The following ERC2 variants were observed in gnomAD, a reference collection of about 807,000 sequenced individuals.
ERC2 encodes the protein ELKS/RAB6-interacting/CAST family member 2.
A neutral mutation model predicts 114.8 loss-of-function variants in ERC2; 42 were observed. The observed-to-expected ratio is 0.37, with a 90% confidence interval of 0.29 to 0.47. ERC2 has a LOEUF of 0.47. ERC2 is among the 20% of genes least tolerant of loss of function. The pLI is 0.99. For missense variants in ERC2, 939 were observed against 1,150.7 expected, an observed-to-expected ratio of 0.82 and a Z score of 2.66; for synonymous variants, 454 against 425.5, an observed-to-expected ratio of 1.07 and a Z score of -0.82.
chr3:56,171,805 G>T (rs1470216474), intron 4 of ERC2, among the ~76,000 whole-genome samples: 1 of 147,086 alleles, frequency 6.8e-6, no homozygotes, highest in Non-Finnish European at 1.5e-5. Context: ...TAGAAGAGAT[G>T]TTTCTCCTGT....
intron 17 of ERC2, among the ~76,000 whole-genome samples, chr3:55,627,388 C>T (rs562245985): frequency 9.2e-5 from 14 of 152,140 alleles, no homozygotes; most frequent in African/African-American, 3.1e-4. Flanking sequence ...ATCGCTTGAA[C>T]CCAGGAGGCA....
At chr3:56,402,970 G>A (rs979157151) in intron 2 of ERC2, among the ~76,000 whole-genome samples, 6 of 152,128 alleles carry the variant, frequency 3.9e-5, no homozygotes, top group Non-Finnish European at 7.3e-5. Flanking sequence ...GCCTCGACCC[G>A]TTAAATGCCA....
chr3:56,013,363 A>T (rs568258291), intron 8 of ERC2, among the ~76,000 whole-genome samples: 5 of 152,162 alleles, frequency 3.3e-5, no homozygotes, highest in Admixed American at 1.3e-4. Context: ...TTACAGGGGG[A>T]TTTGTGCAAT....
At chr3:55,695,197 C>G (rs893214901) in intron 16 of ERC2, among the ~76,000 whole-genome samples, 12 of 152,184 alleles carry the variant, frequency 7.9e-5, no homozygotes, top group Admixed American at 2.6e-4. Context: ...TAAGAAAAAT[C>G]TCTAATGTGT....
At chr3:55,949,442 C>T (rs954767403) in intron 13 of ERC2, among the ~76,000 whole-genome samples, 6 of 151,826 alleles carry the variant, frequency 4.0e-5, no homozygotes, top group African/African-American at 1.5e-4. Context: ...AATCAAGCAT[C>T]AATGTAAAGG....
chr3:55,638,764 G>A (rs1172276450), intron 17 of ERC2, among the ~76,000 whole-genome samples: 1 of 152,186 alleles, frequency 6.6e-6, no homozygotes, highest in Non-Finnish European at 1.5e-5. Context: ...GGATAGGGCT[G>A]GCTAATCACT....
At chr3:55,759,448 T>C (rs2067268116) in intron 14 of ERC2, among the ~76,000 whole-genome samples, 1 of 113,238 alleles carries the variant, frequency 8.8e-6, no homozygotes, top group African/African-American at 3.5e-5. Flanking sequence ...TGGGACGTTT[T>C]AAGTCTCTTT....
chr3:55,885,896 C>G (rs932478528), intron 14 of ERC2, among the ~76,000 whole-genome samples: 1 of 152,164 alleles, frequency 6.6e-6, no homozygotes, highest in African/African-American at 2.4e-5. Context: ...GTCACAGCCA[C>G]CAGGTGGAAG....
chr3:56,442,643 A>T (rs1352243669), intron 1 of ERC2, among the ~76,000 whole-genome samples: 1 of 152,238 alleles, frequency 6.6e-6, no homozygotes, highest in African/African-American at 2.4e-5. Flanking sequence ...TTAACCCAAG[A>T]TGTCTCAGAG....
chr3:55,809,445 A>G (rs964729012), intron 14 of ERC2, among the ~76,000 whole-genome samples: 2 of 152,184 alleles, frequency 1.3e-5, no homozygotes, highest in African/African-American at 4.8e-5. Context: ...GAGCGAAGAG[A>G]CAACCTGTTG....
At chr3:55,873,347 T>C (rs1453620591) in intron 14 of ERC2, among the ~76,000 whole-genome samples, 1 of 152,178 alleles carries the variant, frequency 6.6e-6, no homozygotes, top group Non-Finnish European at 1.5e-5. Context: ...AATCCCACCT[T>C]TGCTGTATGA....
intron 2 of ERC2, among the ~76,000 whole-genome samples, chr3:56,318,667 A>G (rs2056982393): frequency 6.6e-6 from 1 of 152,092 alleles, no homozygotes; most frequent in Non-Finnish European, 1.5e-5. Flanking sequence ...TTCAAAAGAA[A>G]ACATACAAAT....
At chr3:56,186,582 A>T (rs2083633411) in intron 3 of ERC2, among the ~76,000 whole-genome samples, 1 of 152,110 alleles carries the variant, frequency 6.6e-6, no homozygotes, top group Non-Finnish European at 1.5e-5. Flanking sequence ...CCCAGGCTGG[A>T]GTGCAATGGT....
intron 16 of ERC2, among the ~76,000 whole-genome samples, chr3:55,686,730 CTG>C (rs2062353399): frequency 6.6e-6 from 1 of 152,162 alleles, no homozygotes; most frequent in Non-Finnish European, 1.5e-5. Context: ...CTGGGAGAGT[CTG>C]TTTCCTTTCC....
At chr3:55,581,071 C>CCTAACT (rs1343665259) in intron 17 of ERC2, among the ~76,000 whole-genome samples, 1 of 152,116 alleles carries the variant, frequency 6.6e-6, no homozygotes, top group Non-Finnish European at 1.5e-5. Context: ...TGGCCTGTTT[C>CCTAACT]AGGAGCCCAA....
intron 17 of ERC2, among the ~76,000 whole-genome samples, chr3:55,572,059 G>A (rs55856144): frequency 0.057 from 8,623 of 152,326 alleles, 329 homozygotes; most frequent in Middle Eastern, 0.078. Context: ...AGCCCAGGAA[G>A]GCAAGACTGA....
intron 17 of ERC2, among the ~76,000 whole-genome samples, chr3:55,514,765 C>A (rs1243479056): frequency 6.6e-6 from 1 of 152,200 alleles, no homozygotes; most frequent in African/African-American, 2.4e-5. Flanking sequence ...AGATTAAAGT[C>A]CAGCTAAGTC....
At chr3:56,266,219 C>T (rs2053295359) in intron 3 of ERC2, among the ~76,000 whole-genome samples, 3 of 149,336 alleles carry the variant, frequency 2.0e-5, no homozygotes, top group Admixed American at 2.0e-4. Context: ...CAAGCTCCGC[C>T]TCCCAAGTTC....
chr3:56,146,214 G>A (rs747526584), intron 5 of ERC2, among the ~76,000 whole-genome samples: 45 of 152,278 alleles, frequency 3.0e-4, no homozygotes, highest in Non-Finnish European at 5.9e-4. Flanking sequence ...TTGAACCTGG[G>A]AGGTAGAGGC....
Sources: gnomAD v4.1 joint callset for allele counts (sites outside exome capture counted in the v4.1 genomes callset) on GRCh38, gnomAD v4.1.1 for gene constraint, MANE v1.5 for transcripts, NCBI Gene and HGNC (gene_info 2026-07-23, HGNC 2026-07-21) for gene names.